The following LTK variants were observed in gnomAD, a reference collection of about 807,000 sequenced individuals.
LTK encodes leukocyte receptor tyrosine kinase, also known as leukocyte tyrosine kinase receptor.
Under a neutral mutation model 101.5 loss-of-function variants are expected in LTK, and 117 were observed. That is an observed-to-expected ratio of 1.15 (90% CI 0.99 to 1.34). The LOEUF is 1.34. Among genes scored for constraint, LTK ranks in the 40% most tolerant of loss-of-function variants. The probability of loss-of-function intolerance (pLI) is 0.00; values close to 1 mark genes in which losing one functional copy is unlikely to be tolerated. For missense variants in LTK, 1,252 were observed against 1,164.7 expected (o/e 1.07, Z -1.09); for synonymous variants, 563 against 494.2 (o/e 1.14, Z -1.85).
chr15:41,508,321 C>T, intron 8 of LTK, 100 bp from the exon 9 acceptor site: 1 of 1,042,552 alleles, frequency 9.6e-7, no homozygotes, highest in Non-Finnish European at 1.4e-6. Context: ...ATAATCATTG[C>T]ACTTTGGGAG....
Position 41,507,550 on chromosome 15 carries a change from G to A in LTK, c.1345+12C>T. On this transcript the variant is annotated intron_variant, in intron 10 of 19. Transcript: ENST00000263800. ...AGCCTTGAATCAACTGTGCCTGCTAGACGCTTCGTACCCAGAATCAGGACC... is the reference window on the plus strand; with the variant it reads ...AGCCTTGAATCAACTGTGCCTGCTAAACGCTTCGTACCCAGAATCAGGACC... 1 of 1,612,786 alleles carries A rather than the reference G, an allele frequency of 6.2e-7. No homozygotes were observed. The highest frequency in any genetic ancestry group is 8.5e-7 in the Non-Finnish European group (1 of 1,179,566).
Position 41,512,179 on chromosome 15 carries a change from GAGA to G in LTK, c.443_445del (p.Phe148del), listed in dbSNP as rs758246986. The G allele has an allele frequency of 5.0e-6, 8 of 1,613,088 alleles. 1 individual carries two copies. In the African/African-American group the frequency reaches 9.3e-5, roughly 19 times the overall value. ...GTACAGCGACTCCCCGAGACCGAGGGAGAAGATTGCTGAGACGAAGACGCCATG... is the reference window on the plus strand; with the variant it reads ...GTACAGCGACTCCCCGAGACCGAGGGAGATTGCTGAGACGAAGACGCCATG... On this transcript the variant is annotated inframe_deletion, in exon 4 of 20. Transcript: ENST00000263800.
intron 11 of LTK, among the ~76,000 whole-genome samples, chr15:41,506,350 G>A (rs773025547): frequency 8.5e-5 from 13 of 152,308 alleles, no homozygotes; most frequent in Non-Finnish European, 1.6e-4. Context: ...TGTCATGCAG[G>A]CTGGAGTGCA....
chr15:41,504,655 G>A lies in LTK; in HGVS notation c.2121-15C>T. 1 of 1,611,562 alleles carries A rather than the reference G, an allele frequency of 6.2e-7. No individual in the cohort carries two copies. Among genetic ancestry groups the A allele is most frequent in the Non-Finnish European group, 8.5e-7 (1 of 1,179,010 alleles). ...CCCCAAAAGACCTGCATCACAAGTG[G>A]GGGAACCAAGTGAGGCCCGTCAGGT... On this transcript the variant is annotated splice_polypyrimidine_tract_variant and intron_variant, in intron 17 of 19. Coordinates refer to ENST00000263800, the MANE Select transcript of LTK (RefSeq NM_002344.6).
At chr15:41,509,775 C>G (rs1469436304) in intron 7 of LTK, among the ~76,000 whole-genome samples, 1 of 151,818 alleles carries the variant, frequency 6.6e-6, no homozygotes, top group Non-Finnish European at 1.5e-5. Flanking sequence ...AGGAGAATTG[C>G]TTGAACCCGG....
rs748971094 is a variant in LTK at position 41,504,463 on chromosome 15, A to G, written c.2256-31T>C. 3.7e-6 allele frequency: 6 copies of G among 1,613,744 alleles called. No individual in the cohort carries two copies. In the African/African-American group the frequency reaches 6.7e-5, roughly 18 times the overall value. ...GAGAGGCAGGAGTTCATGCCCACCC[A>G]TGGTTGTGAAGGACCTCCCTTCCCG... On this transcript the variant is annotated intron_variant, in intron 18 of 19. Coordinates refer to ENST00000263800, the MANE Select transcript of LTK (RefSeq NM_002344.6).
In LTK at chr15:41,511,612, C is replaced by T; in HGVS notation, c.658-34G>A. On this transcript the variant is annotated intron_variant, in intron 5 of 19. Coordinates refer to ENST00000263800, the MANE Select transcript of LTK (RefSeq NM_002344.6). This position sits in a 1 kb window ranked among gnomAD's most constrained non-coding sequence, Gnocchi z 5.9. ...CCAGCGGCGTGTTCCAGGAAGCGCC[C>T]TCCAGCTGTCCAGGGGCACTGCCAC... The T allele has an allele frequency of 7.0e-7, 1 of 1,424,524 alleles. No individual in the cohort carries two copies. Among genetic ancestry groups the T allele is most frequent in the Non-Finnish European group, 9.1e-7 (1 of 1,101,236 alleles). The allele number at this position is 1,424,524 out of a possible 1,614,324, so 88.2% of individuals were successfully genotyped here.
At chr15:41,512,618 A>T in intron 3 of LTK, 89 bp downstream of exon 3, 1 of 1,408,214 alleles carries the variant, frequency 7.1e-7, no homozygotes, top group South Asian at 1.5e-5. Flanking sequence ...TCCAAGACGC[A>T]AGTCGGTGCG....
intron 10 of LTK, 104 bp downstream of exon 10, chr15:41,507,458 C>G (rs542488396): frequency 6.4e-7 from 1 of 1,553,148 alleles, no homozygotes; most frequent in South Asian, 1.2e-5. Flanking sequence ...GGCTCTGCTG[C>G]GGTGAGTGGT....
chr15:41,511,835 G>GGCCCCC lies in LTK; in HGVS notation c.638_639insGGGGGC (p.Gly213_Ala214insGlyAla). ...CACGTACCCGGAAAACGTAGGTGGC[G>GGCCCCC]CCCCCGCCACCCCCGCCACCTCCCG... is the stretch of plus-strand genomic sequence containing the variant. On this transcript the variant is annotated inframe_insertion, in exon 5 of 20. Transcript: ENST00000263800. The surrounding 1 kb of genome is among the most constrained non-coding windows in gnomAD (Gnocchi z 5.9). The GGCCCCC allele has an allele frequency of 1.6e-5, 24 of 1,477,204 alleles. No individual in the cohort carries two copies. The highest frequency in any genetic ancestry group is 3.0e-5 in the African/African-American group (2 of 66,862). 91.5% of individuals were successfully genotyped at this position (1,477,204 alleles called of 1,614,324 possible). A position where few individuals can be genotyped will look rare whatever the true frequency, so the allele number is the denominator to read the frequency against.
rs776645019 is a variant in LTK at position 41,503,864 on chromosome 15, G to C, written c.*132C>G. ...AGTGCAGCGCTGCCAGGCCAGCCCC[G>C]AGACAGGCCCAGACACACAGCACAG... On this transcript the variant is annotated 3_prime_UTR_variant, in exon 20 of 20. Coordinates refer to ENST00000263800, the MANE Select transcript of LTK (RefSeq NM_002344.6). 22 of 1,136,582 alleles carry C rather than the reference G, an allele frequency of 1.9e-5. No homozygotes were observed. The highest frequency in any genetic ancestry group is 3.0e-4 in the Middle Eastern group (1 of 3,316). The allele number at this position is 1,136,582 out of a possible 1,614,324, so 70.4% of individuals were successfully genotyped here.
At chr15:41,509,707 A>T (rs1467297159) in intron 7 of LTK, among the ~76,000 whole-genome samples, 1 of 151,918 alleles carries the variant, frequency 6.6e-6, no homozygotes, top group Non-Finnish European at 1.5e-5. Flanking sequence ...AAAAATACAA[A>T]AATTAGCCGG....
Position 41,509,125 on chromosome 15 carries a change from G to GC in LTK, c.1001dup (p.Asp335ArgfsTer6). On this transcript the variant is annotated frameshift_variant, in exon 8 of 20. Transcript: ENST00000263800. LOFTEE classifies it high-confidence loss of function. Reference sequence around the variant, plus strand: ...AGAGGTTGTCAGTCTCTGAAGCGTCGCCCCCTGGAAGTGGAGAGTGATGGA... The same window carrying GC: ...AGAGGTTGTCAGTCTCTGAAGCGTCGCCCCCCTGGAAGTGGAGAGTGATGGA... 2 of 1,606,554 alleles carry GC rather than the reference G, an allele frequency of 1.2e-6. No individual in the cohort carries two copies. Among genetic ancestry groups the GC allele is most frequent in the African/African-American group, 1.3e-5 (1 of 74,878 alleles).
At chr15:41,507,978 G>A in intron 9 of LTK, 91 bp downstream of exon 9, 1 of 1,392,924 alleles carries the variant, frequency 7.2e-7, no homozygotes. Flanking sequence ...CTGGCACACA[G>A]CAAATCTCTA....
In LTK at chr15:41,511,697, G is replaced by GCCCAC; in HGVS notation, c.657+119_658-119insGTGGG. On this transcript the variant is annotated intron_variant, in intron 5 of 19. Coordinates refer to ENST00000263800, the MANE Select transcript of LTK (RefSeq NM_002344.6). This position sits in a 1 kb window ranked among gnomAD's most constrained non-coding sequence, Gnocchi z 5.9. ...GGGCAGGGGCCCCCAGCCCAGCCCA[G>GCCCAC]GCCAGCCCAGCCCAGCGCAGGGATA... The GCCCAC allele has an allele frequency of 7.1e-7, 1 of 1,405,776 alleles. No individual in the cohort carries two copies. The highest frequency in any genetic ancestry group is 9.2e-7 in the Non-Finnish European group (1 of 1,082,652). 87.1% of individuals were successfully genotyped at this position (1,405,776 alleles called of 1,614,324 possible).
chr15:41,504,253 G>A lies in LTK; in HGVS notation c.2347-9C>T, dbSNP rs1034807847. The A allele has an allele frequency of 6.2e-7, 1 of 1,606,646 alleles. No homozygotes were observed. Among genetic ancestry groups the A allele is most frequent in the Non-Finnish European group, 8.5e-7 (1 of 1,174,686 alleles). On this transcript the variant is annotated splice_polypyrimidine_tract_variant and intron_variant, in intron 19 of 19. Transcript: ENST00000263800. ...TTCAGCACATCCGGGTCCTGTAATGGAAGAGTCAGGGAGCAGGGGGGCATA... is the reference window on the plus strand; with the variant it reads ...TTCAGCACATCCGGGTCCTGTAATGAAAGAGTCAGGGAGCAGGGGGGCATA...
At position 41,505,393 on chromosome 15, in the gene LTK, G is replaced by A. The variant is rs2051239497; in HGVS notation, c.1827+8C>T. 2 of 1,613,896 alleles carry A rather than the reference G, an allele frequency of 1.2e-6. No individual in the cohort carries two copies. Among genetic ancestry groups the A allele is most frequent in the Non-Finnish European group, 1.7e-6 (2 of 1,179,928 alleles). On this transcript the variant is annotated splice_region_variant and intron_variant, in intron 14 of 19. Coordinates refer to ENST00000263800, the MANE Select transcript of LTK (RefSeq NM_002344.6). ...AGGGGCCTGGGGGGGCTAAGACAAG[G>A]GTCTCACCAGGTGTGGCCGACTGTG...
At position 41,513,672 on chromosome 15, in the gene LTK, G is replaced by A; in HGVS notation, c.38C>T (p.Ala13Val). 1 of 1,612,950 alleles carries A rather than the reference G, an allele frequency of 6.2e-7. No homozygotes were observed. The highest frequency in any genetic ancestry group is 8.5e-7 in the Non-Finnish European group (1 of 1,179,632). ...GACCGCCAGATAGCACTTACCCGCG[G>A]CTCCGAACCACACCAGCAGCTGTCC... Reference protein sequence around the residue: ...CWGQLLVWFGAAGAILCSSPG... With the variant: ...CWGQLLVWFGVAGAILCSSPG... The change falls in exon 1 of 20, where the codon GCC becomes GTC. Residue 13 changes from alanine to valine, a missense_variant. Coordinates refer to ENST00000263800, the MANE Select transcript of LTK (RefSeq NM_002344.6).
rs767878645 is a variant in LTK, at chr15:41,508,326, T to C, written c.1097-105A>G. 7 of 946,518 alleles carry C rather than the reference T, an allele frequency of 7.4e-6. No homozygotes were observed. The Middle Eastern group carries it at 1.4e-3, about 192-fold the overall frequency. 58.6% of individuals were successfully genotyped at this position (946,518 alleles called of 1,614,324 possible). ...GCACACGCCTATAATCATTGCACTT[T>C]GGGAGGCCGTGGTGAGCGGATCACC... On this transcript the variant is annotated intron_variant, in intron 8 of 19. Coordinates refer to ENST00000263800, the MANE Select transcript of LTK (RefSeq NM_002344.6).
Sources: allele counts gnomAD v4.1 joint callset (sites outside exome capture counted in the v4.1 genomes callset), GRCh38; gene constraint gnomAD v4.1.1; non-coding constraint Gnocchi (gnomAD v3.1); transcripts MANE v1.5; gene names NCBI Gene and HGNC (gene_info 2026-07-23, HGNC 2026-07-21).